AQP9: variants seen among roughly 807,000 people sequenced by gnomAD.
The protein encoded by AQP9 is aquaporin 9.
Under a neutral mutation model 23.8 loss-of-function variants are expected in AQP9, and 19 were observed. That is an observed-to-expected ratio of 0.80 (90% CI 0.56 to 1.17). The LOEUF (loss-of-function observed/expected upper bound fraction) is 1.17, where lower values mean the gene tolerates loss of function less well. AQP9 is among the 50% of genes most tolerant of loss of function. The probability of loss-of-function intolerance (pLI) is 0.00; values close to 1 mark genes in which losing one functional copy is unlikely to be tolerated. For missense variants in AQP9, 413 were observed against 362.0 expected (o/e 1.14, Z -1.14); for synonymous variants, 153 against 131.5 (o/e 1.16, Z -1.12).
intron 1 of AQP9, among the ~76,000 whole-genome samples, chr15:58,158,042 C>A (rs1182870568): frequency 6.6e-6 from 1 of 152,134 alleles, no homozygotes; most frequent in Admixed American, 6.6e-5. Flanking sequence ...ATAGCTTCAT[C>A]CTCAGCCCTT....
At chr15:58,174,782 G>T (rs979879251) in intron 3 of AQP9, 136 bp from the exon 4 acceptor site, 4 of 712,076 alleles carry the variant, frequency 5.6e-6, no homozygotes, top group Non-Finnish European at 9.8e-6. Context: ...ATCATTCCTC[G>T]GAAGTAGAGA....
intron 4 of AQP9, among the ~76,000 whole-genome samples, chr15:58,178,324 T>TA (rs1482264778): frequency 6.6e-6 from 1 of 152,200 alleles, no homozygotes; most frequent in Non-Finnish European, 1.5e-5. Flanking sequence ...TTTATGTTTA[T>TA]AGTTTTTAAT....
intron 3 of AQP9, among the ~76,000 whole-genome samples, chr15:58,174,303 A>G (rs998146968): frequency 6.7e-6 from 1 of 149,558 alleles, no homozygotes; most frequent in Non-Finnish European, 1.5e-5. Flanking sequence ...AAAAAAGAAA[A>G]AAAAAAAGGA....
At chr15:58,177,747 T>C (rs776536806) in intron 4 of AQP9, among the ~76,000 whole-genome samples, 75 of 152,314 alleles carry the variant, frequency 4.9e-4, no homozygotes, top group Non-Finnish European at 6.6e-4. Context: ...ACCTGGCACA[T>C]AATAAATGTT....
At chr15:58,171,512 G>A (rs751210405) in intron 2 of AQP9, among the ~76,000 whole-genome samples, 18 of 152,100 alleles carry the variant, frequency 1.2e-4, no homozygotes, top group Non-Finnish European at 2.2e-4. Context: ...CCTAACCCCT[G>A]TTTCTAGCCT....
intron 1 of AQP9, chr15:58,152,553 C>T (rs549999568): frequency 6.6e-6 from 1 of 152,200 alleles, no homozygotes; most frequent in South Asian, 2.1e-4. Context: ...GATCTAATAA[C>T]AGAAGTCTGA....
At position 58,185,197 on chromosome 15, in the gene AQP9, A is replaced by G. The variant is rs1216816796; in HGVS notation, c.*1062A>G. 6.6e-6 allele frequency: 1 copy of G among 152,552 alleles called. No individual in the cohort carries two copies. The highest frequency in any genetic ancestry group is 1.9e-4 in the East Asian group (1 of 5,204). The allele number at this position is 152,552 out of a possible 1,614,324, so 9.4% of individuals were successfully genotyped here. On this transcript the variant is annotated 3_prime_UTR_variant, in exon 6 of 6. Coordinates refer to ENST00000219919, the MANE Select transcript of AQP9 (RefSeq NM_020980.5). ...AAATGCCACATTGCCCATTTTTCAG[A>G]TAAAGAAACAAAATCTTAGGGAAGA...
chr15:58,180,413 C>A (rs1314291547), intron 5 of AQP9, among the ~76,000 whole-genome samples: 1 of 152,186 alleles, frequency 6.6e-6, no homozygotes. Context: ...ATCACCACCA[C>A]AGATAGCACT....
intron 2 of AQP9, among the ~76,000 whole-genome samples, chr15:58,170,531 AG>A (rs1289341587): frequency 6.6e-6 from 1 of 151,900 alleles, no homozygotes; most frequent in Non-Finnish European, 1.5e-5. Flanking sequence ...CAGCCTCCCA[AG>A]TAGCTGGGAC....
intron 1 of AQP9, among the ~76,000 whole-genome samples, chr15:58,142,977 C>T (rs1298805619): frequency 2.0e-5 from 3 of 152,116 alleles, no homozygotes; most frequent in Non-Finnish European, 2.9e-5. Flanking sequence ...CTCAGGCCCT[C>T]GCTCAGAAAC....
chr15:58,166,032 T>C (rs1898495695), intron 1 of AQP9, among the ~76,000 whole-genome samples: 2 of 152,234 alleles, frequency 1.3e-5, no homozygotes, highest in Non-Finnish European at 2.9e-5. Flanking sequence ...TTCTAATGCA[T>C]GGTACAAATG....
At chr15:58,153,792 T>C (rs145484707) in intron 1 of AQP9, 2 of 152,238 alleles carry the variant, frequency 1.3e-5, no homozygotes, top group East Asian at 3.9e-4. Flanking sequence ...AAACACATCA[T>C]ACACCAACGC....
chr15:58,174,119 T>G (rs1898687047), intron 3 of AQP9, among the ~76,000 whole-genome samples: 1 of 151,220 alleles, frequency 6.6e-6, no homozygotes, highest in African/African-American at 2.4e-5. Context: ...CCTCGTCTCT[T>G]CAGAAAAAAA....
chr15:58,158,340 C>T (rs905848311), intron 1 of AQP9, among the ~76,000 whole-genome samples: 16 of 152,130 alleles, frequency 1.1e-4, no homozygotes, highest in Admixed American at 7.2e-4. Context: ...TAAAACAGAC[C>T]TGTGATCAAA....
At position 58,185,759 on chromosome 15, in the gene AQP9, T is replaced by C. The variant is rs1424733913; in HGVS notation, c.*1624T>C. Reference sequence around the variant, plus strand: ...TCCCAAAGGCATTAGGTTTCCCAACTGCTTTGTGCTGATATCAGAACAGCA... The same window carrying C: ...TCCCAAAGGCATTAGGTTTCCCAACCGCTTTGTGCTGATATCAGAACAGCA... On this transcript the variant is annotated 3_prime_UTR_variant, in exon 6 of 6. Coordinates refer to ENST00000219919, the MANE Select transcript of AQP9 (RefSeq NM_020980.5). 7 of 152,246 alleles carry C rather than the reference T, an allele frequency of 4.6e-5. No homozygotes were observed. The highest frequency in any genetic ancestry group is 8.8e-5 in the Non-Finnish European group (6 of 68,056). 9.4% of individuals were successfully genotyped at this position (152,246 alleles called of 1,614,324 possible). A position where few individuals can be genotyped will look rare whatever the true frequency, so the allele number is the denominator to read the frequency against.
intron 4 of AQP9, among the ~76,000 whole-genome samples, chr15:58,176,724 C>G (rs1898765613): frequency 6.6e-6 from 1 of 151,624 alleles, no homozygotes; most frequent in Non-Finnish European, 1.5e-5. Context: ...AATTCTCCTG[C>G]CTCAGCCTTT....
intron 2 of AQP9, 60 bp downstream of exon 2, chr15:58,166,859 G>A: frequency 6.5e-7 from 1 of 1,546,684 alleles, no homozygotes; most frequent in Non-Finnish European, 8.7e-7. Context: ...TGCCCGCACA[G>A]TGCTGGCTGC....
rs1566993261 is a variant in AQP9, at chr15:58,184,844, T to C, written c.*709T>C. The C allele has an allele frequency of 6.6e-6, 1 of 152,242 alleles. No homozygotes were observed. Among genetic ancestry groups the C allele is most frequent in the African/African-American group, 2.4e-5 (1 of 41,460 alleles). 9.4% of individuals were successfully genotyped at this position (152,242 alleles called of 1,614,324 possible). On this transcript the variant is annotated 3_prime_UTR_variant, in exon 6 of 6. Coordinates refer to ENST00000219919, the MANE Select transcript of AQP9 (RefSeq NM_020980.5). Reference sequence around the variant, plus strand: ...TCTCCTGCATTTTAGAGGACACCAATTAATTTCCTGGTCTTTAGTATATAA... The same window carrying C: ...TCTCCTGCATTTTAGAGGACACCAACTAATTTCCTGGTCTTTAGTATATAA...
At chr15:58,157,474 G>C (rs1898287968) in intron 1 of AQP9, among the ~76,000 whole-genome samples, 1 of 152,184 alleles carries the variant, frequency 6.6e-6, no homozygotes, top group Admixed American at 6.5e-5. Flanking sequence ...GGGAGTTGGG[G>C]GAACTGTTCA....
Sources: gnomAD v4.1 joint callset for allele counts (sites outside exome capture counted in the v4.1 genomes callset) on GRCh38, gnomAD v4.1.1 for gene constraint, MANE v1.5 for transcripts, NCBI Gene and HGNC (gene_info 2026-07-23, HGNC 2026-07-21) for gene names.